The following XPO7 variants were observed in gnomAD, a reference collection of about 807,000 sequenced individuals.
The protein encoded by XPO7 is exportin-7.
In XPO7, 21 loss-of-function variants were observed where a neutral mutation model predicts 144.3. That is an observed-to-expected ratio of 0.15 (90% confidence interval 0.10 to 0.21). XPO7 has a LOEUF of 0.21. XPO7 is among the 10% of genes least tolerant of loss of function. XPO7 has a pLI of 1.00. For missense variants in XPO7, 808 were observed against 1,325.8 expected (o/e 0.61, Z 6.06); for synonymous variants, 580 against 499.6 (o/e 1.16, Z -2.15).
intron 1 of XPO7, among the ~76,000 whole-genome samples, chr8:21,936,379 G>T (rs1810822504): frequency 6.6e-6 from 1 of 152,182 alleles, no homozygotes; most frequent in Admixed American, 6.5e-5. Flanking sequence ...ATAGTCTGCA[G>T]TCTTGCCCAG....
In XPO7 at chr8:21,930,267, A is replaced by G. The variant is rs138431317; in HGVS notation, c.18+10479A>G. 3.8e-3 allele frequency among the ~76,000 whole-genome samples: 578 copies of G among 152,350 alleles called. 3 individuals carry two copies. The highest frequency in any genetic ancestry group is 0.013 in the African/African-American group (554 of 41,578). The stretch of plus-strand genomic sequence containing the variant: ...TGGTGAGATACACACATCAGTAAAC[A>G]TTCCCTCATTTGGCTGGTATTGTTT... On this transcript the variant is annotated intron_variant, in intron 1 of 27. Transcript: ENST00000252512.
Position 22,003,998 on chromosome 8 carries a change from C to A in XPO7, c.3138C>A (p.Ile1046=), listed in dbSNP as rs369485941. ...GTTTTGAGAACCTGATGGAAGGCAT[C>A]GAGCGAAATCTTCTTACGAAAAACA... The part of the protein sequence containing the change: ...HLCFENLMEG[I]ERNLLTKNRD... Residue 1046 remains isoleucine (I), a synonymous_variant, in exon 27 of 28, where the codon ATC becomes ATA. Coordinates refer to ENST00000252512, the MANE Select transcript of XPO7 (RefSeq NM_015024.5). The A allele has an allele frequency of 4.3e-6, 7 of 1,613,626 alleles. No homozygotes were observed. Among genetic ancestry groups the A allele is most frequent in the South Asian group, 1.1e-5 (1 of 91,056 alleles).
chr8:21,921,531 G>T (rs1274081999), intron 1 of XPO7: 3 of 152,140 alleles, frequency 2.0e-5, no homozygotes, highest in Non-Finnish European at 2.9e-5. Flanking sequence ...ATCTCTTAAT[G>T]TGATCTCCCA....
chr8:21,974,623 T>C (rs1171030076), intron 5 of XPO7, 47 bp from the exon 6 acceptor site: 6 of 1,405,114 alleles, frequency 4.3e-6, no homozygotes, highest in Non-Finnish European at 5.8e-6. Flanking sequence ...GAAAAATTCT[T>C]TTTTTGCAAT....
chr8:21,966,450 TATATC>T (rs1194086958), intron 1 of XPO7: 3 of 590,540 alleles, frequency 5.1e-6, no homozygotes, highest in Non-Finnish European at 9.2e-6. Context: ...GTGTGGTACT[TATATC>T]ATGTTTATGT....
chr8:21,990,873 G>A lies in XPO7; in HGVS notation c.1995G>A (p.Arg665=). The A allele has an allele frequency of 1.2e-6, 2 of 1,613,830 alleles. No homozygotes were observed. The highest frequency in any genetic ancestry group is 1.1e-5 in the South Asian group (1 of 91,062). ...NQSNLTDMRC[R]TTFYTALGRL... ...CCAACCTGACAGACATGCGGTGTCGGACTACCTTCTACACAGCACTTGGGC... is the reference window on the plus strand; with the variant it reads ...CCAACCTGACAGACATGCGGTGTCGAACTACCTTCTACACAGCACTTGGGC... The change falls in exon 18 of 28, where the codon CGG becomes CGA. Residue 665 remains arginine, a synonymous_variant. Coordinates refer to ENST00000252512, the MANE Select transcript of XPO7 (RefSeq NM_015024.5).
At chr8:21,968,583 TGACA>T (rs1313689594) in intron 2 of XPO7, among the ~76,000 whole-genome samples, 3 of 152,156 alleles carry the variant, frequency 2.0e-5, no homozygotes, top group African/African-American at 7.2e-5. Flanking sequence ...CCTGCTGGAG[TGACA>T]GTACAGTCTC....
At chr8:21,928,013 T>G (rs1182950867) in intron 1 of XPO7, among the ~76,000 whole-genome samples, 1 of 152,216 alleles carries the variant, frequency 6.6e-6, no homozygotes, top group Admixed American at 6.5e-5. Flanking sequence ...CTGCATCCAT[T>G]TAAAGTGTAC....
chr8:21,955,952 C>T (rs1489261994), intron 1 of XPO7, among the ~76,000 whole-genome samples: 4 of 152,070 alleles, frequency 2.6e-5, no homozygotes, highest in African/African-American at 9.7e-5. Context: ...TGGTCTTGAT[C>T]TCTTGACCTT....
intron 9 of XPO7, among the ~76,000 whole-genome samples, chr8:21,981,015 A>G (rs771657152): frequency 8.5e-5 from 13 of 152,152 alleles, no homozygotes; most frequent in Non-Finnish European, 1.8e-4. Context: ...ATTTCAAAAT[A>G]TACTCAGTTT....
intron 5 of XPO7, among the ~76,000 whole-genome samples, chr8:21,972,479 A>C (rs565683702): frequency 6.6e-6 from 1 of 152,328 alleles, no homozygotes; most frequent in Admixed American, 6.5e-5. Flanking sequence ...CTCCATCTCA[A>C]AAAAAGCAAA....
chr8:21,988,197 C>T (rs968922564), intron 15 of XPO7, among the ~76,000 whole-genome samples: 8 of 152,184 alleles, frequency 5.3e-5, no homozygotes, highest in Non-Finnish European at 1.0e-4. Flanking sequence ...TCCAGGGATG[C>T]CCAGCATAGG....
At chr8:21,922,038 G>A (rs763170674) in intron 1 of XPO7, among the ~76,000 whole-genome samples, 3 of 152,158 alleles carry the variant, frequency 2.0e-5, no homozygotes, top group South Asian at 2.1e-4. Flanking sequence ...AGGGGAGGGT[G>A]GCGGGGATAT....
At chr8:21,922,937 G>T (rs1228885274) in intron 1 of XPO7, among the ~76,000 whole-genome samples, 1 of 152,286 alleles carries the variant, frequency 6.6e-6, no homozygotes, top group South Asian at 2.1e-4. Context: ...TTGACTACCA[G>T]TGTAACTCCA....
At chr8:21,982,541 T>TTA in intron 10 of XPO7, 99 bp from the exon 11 acceptor site, 1 of 1,344,818 alleles carries the variant, frequency 7.4e-7, no homozygotes, top group Non-Finnish European at 9.9e-7. Context: ...CCTCTTTTTT[T>TTA]AAAAAAAAGA....
At chr8:21,937,265 G>A (rs1810851824) in intron 1 of XPO7, among the ~76,000 whole-genome samples, 1 of 152,152 alleles carries the variant, frequency 6.6e-6, no homozygotes, top group Admixed American at 6.5e-5. Context: ...TGTGTTAAAT[G>A]TATTTCCAAA....
At chr8:21,950,808 CTACCGTAAATTTA>C (rs1163111470) in intron 1 of XPO7, among the ~76,000 whole-genome samples, 1 of 151,890 alleles carries the variant, frequency 6.6e-6, no homozygotes, top group Non-Finnish European at 1.5e-5. Context: ...TTTTTATATT[CTACCGTAAATTTA>C]TATAGAAAAT....
At chr8:21,926,377 G>C (rs1260932355) in intron 1 of XPO7, among the ~76,000 whole-genome samples, 1 of 152,164 alleles carries the variant, frequency 6.6e-6, no homozygotes, top group African/African-American at 2.4e-5. Context: ...AAAGAACTGA[G>C]AGTTTTGCTA....
At chr8:21,927,200 A>G (rs1387929000) in intron 1 of XPO7, among the ~76,000 whole-genome samples, 14 of 151,672 alleles carry the variant, frequency 9.2e-5, no homozygotes, top group Non-Finnish European at 1.5e-4. Flanking sequence ...CAGCCTGGGT[A>G]ACATAGCAAG....
Sources: gnomAD v4.1 joint callset for allele counts (sites outside exome capture counted in the v4.1 genomes callset) on GRCh38, gnomAD v4.1.1 for gene constraint, MANE v1.5 for transcripts, NCBI Gene and HGNC (gene_info 2026-07-23, HGNC 2026-07-21) for gene names.